The following ARHGAP21 variants were observed in gnomAD, a reference collection of about 807,000 sequenced individuals.
ARHGAP21 encodes the protein Rho GTPase activating protein 21, also known as rho GTPase-activating protein 21.
A neutral mutation model predicts 164.6 loss-of-function variants in ARHGAP21; 38 were observed. The observed-to-expected ratio is 0.23, with a 90% CI of 0.18 to 0.30. ARHGAP21 has a LOEUF of 0.30. Among genes scored for constraint, ARHGAP21 ranks in the 10% least tolerant of loss-of-function variants. The probability of loss-of-function intolerance (pLI) is 1.00; values close to 1 mark genes in which losing one functional copy is unlikely to be tolerated. For synonymous variants in ARHGAP21, 766 were observed against 857.9 expected, an observed-to-expected ratio of 0.89 and a Z score of 1.87; for missense variants, 1,822 against 2,370.7, an observed-to-expected ratio of 0.77 and a Z score of 4.81.
intron 4 of ARHGAP21, among the ~76,000 whole-genome samples, chr10:24,655,746 C>T (rs992716637): frequency 4.5e-5 from 6 of 134,720 alleles, no homozygotes; most frequent in East Asian, 2.2e-4. Flanking sequence ...TCCGCCCGGC[C>T]GCCATCCCAT....
In ARHGAP21 at chr10:24,597,969, A is replaced by G. The variant is rs1219589813; in HGVS notation, c.3173T>C (p.Ile1058Thr). 3 of 1,613,458 alleles carry G rather than the reference A, an allele frequency of 1.9e-6. No individual in the cohort carries two copies. The highest frequency in any genetic ancestry group is 1.7e-6 in the Non-Finnish European group (2 of 1,179,662). ...VTNRDLISRR[I>T]KEYNNLMSKA... is the part of the protein sequence containing the mutation. ...CCTCATCAGATTGTTGTATTCTTTT[A>G]TTCTTCGACTAATTAGATCCCTGTT... The change falls in exon 15 of 26, where the codon ATA becomes ACA. Residue 1058 changes from isoleucine (I) to threonine (T), a missense_variant. Physicochemically the swap from Ile to Thr is moderately conservative, Grantham distance 89. This residue lies in a region of ARHGAP21 where 1,090 missense variants were observed against 1,378.9 expected (regional missense o/e 0.79). Coordinates refer to ENST00000396432, the MANE Select transcript of ARHGAP21 (RefSeq NM_020824.4).
intron 9 of ARHGAP21, among the ~76,000 whole-genome samples, chr10:24,614,290 A>G (rs1030653225): frequency 6.6e-6 from 1 of 152,188 alleles, no homozygotes; most frequent in African/African-American, 2.4e-5. Context: ...AGAAGGGCCA[A>G]TTCTAGTTCA....
rs2076038967 is a variant in ARHGAP21 at position 24,584,913 on chromosome 10, A to G, written c.5376T>C (p.Thr1792=). ...GVGNHKVNAE[T]AKRKSIRRRH... is the part of the protein sequence containing the mutation. Reference sequence around the variant, plus strand: ...TGCGCCGGATGCTTTTCCTTTTAGCAGTCTCGGCATTCACTTTGTGATTCC... The same window carrying G: ...TGCGCCGGATGCTTTTCCTTTTAGCGGTCTCGGCATTCACTTTGTGATTCC... Residue 1792 remains threonine (T), a synonymous_variant, in exon 26 of 26, where the codon ACT becomes ACC. Coordinates refer to ENST00000396432, the MANE Select transcript of ARHGAP21 (RefSeq NM_020824.4). The G allele has an allele frequency of 1.2e-6, 2 of 1,613,882 alleles. No individual in the cohort carries two copies. Among genetic ancestry groups the G allele is most frequent in the Non-Finnish European group, 1.7e-6 (2 of 1,179,868 alleles).
chr10:24,710,143 T>C (rs1267011254), intron 2 of ARHGAP21, among the ~76,000 whole-genome samples: 1 of 152,184 alleles, frequency 6.6e-6, no homozygotes, highest in Non-Finnish European at 1.5e-5. Context: ...TTTCCCTTCC[T>C]GGTCTTGTAG....
rs192343034 is a variant in ARHGAP21, at chr10:24,681,388, T to G, written c.64-10991A>C. Among the ~76,000 whole-genome samples the G allele has an allele frequency of 2.0e-5, 3 of 152,174 alleles. No homozygotes were observed. The South Asian group carries it at 6.2e-4, about 32-fold the overall frequency. On this transcript the variant is annotated intron_variant, in intron 2 of 25. Transcript: ENST00000396432. ...ACATGTTCAACAGAGATGAAAGAGA[T>G]AGGGCTGTCACAAAAGTAAATGCAA...
chr10:24,704,965 C>T (rs1844090374), intron 2 of ARHGAP21, among the ~76,000 whole-genome samples: 1 of 152,092 alleles, frequency 6.6e-6, no homozygotes, highest in Admixed American at 6.5e-5. Flanking sequence ...AGGATGGTAG[C>T]AACAACAATC....
intron 14 of ARHGAP21, among the ~76,000 whole-genome samples, chr10:24,599,924 G>GAGAT (rs552783343): frequency 6.6e-6 from 1 of 152,206 alleles, no homozygotes; most frequent in African/African-American, 2.4e-5. Context: ...ACAAGGTCAG[G>GAGAT]AGATAGAGAC....
intron 14 of ARHGAP21, among the ~76,000 whole-genome samples, chr10:24,600,300 T>C (rs2076762196): frequency 6.6e-6 from 1 of 152,154 alleles, no homozygotes; most frequent in Non-Finnish European, 1.5e-5. Context: ...CTGGTAAGTA[T>C]TTTTACTGTA....
rs184877560 is a variant in ARHGAP21, at chr10:24,603,603, G to C, written c.2721+709C>G. Among the ~76,000 whole-genome samples the C allele has an allele frequency of 2.4e-4, 36 of 152,294 alleles. No homozygotes were observed. The East Asian group carries it at 5.4e-3, about 23-fold the overall frequency. On this transcript the variant is annotated intron_variant, in intron 12 of 25. Transcript: ENST00000396432. ...AGGGCACCGAGGAAGTGAGAGGCAA[G>C]AGAATCCGAAGAAGTGTGGGGGTTG...
intron 2 of ARHGAP21, among the ~76,000 whole-genome samples, chr10:24,697,378 A>C (rs941428920): frequency 6.6e-6 from 1 of 152,140 alleles, no homozygotes; most frequent in African/African-American, 2.4e-5. Context: ...GAAAGAAAAG[A>C]AAGAGACACC....
At chr10:24,704,352 C>A (rs376571763) in intron 2 of ARHGAP21, among the ~76,000 whole-genome samples, 84 of 150,014 alleles carry the variant, frequency 5.6e-4, no homozygotes, top group African/African-American at 2.0e-3. Context: ...GTGCAGTGGC[C>A]CATTCTCAGC....
intron 4 of ARHGAP21, among the ~76,000 whole-genome samples, chr10:24,655,295 C>T (rs1838696087): frequency 6.6e-6 from 1 of 152,160 alleles, no homozygotes. Context: ...TAAAGAGCTT[C>T]TGCACATCAA....
At chr10:24,611,026 T>C (rs1322703144) in intron 9 of ARHGAP21, among the ~76,000 whole-genome samples, 1 of 152,260 alleles carries the variant, frequency 6.6e-6, no homozygotes, top group Non-Finnish European at 1.5e-5. Flanking sequence ...CTTTAAGATG[T>C]TCTCATCCTA....
At position 24,584,206 on chromosome 10, in the gene ARHGAP21, T is replaced by A. The variant is rs2076003661; in HGVS notation, c.*206A>T. The A allele has an allele frequency of 4.4e-6, 1 of 227,002 alleles. No individual in the cohort carries two copies. The highest frequency in any genetic ancestry group is 7.0e-6 in the Non-Finnish European group (1 of 142,360). 14.1% of individuals were successfully genotyped at this position (227,002 alleles called of 1,614,324 possible). On this transcript the variant is annotated 3_prime_UTR_variant, in exon 26 of 26. Transcript: ENST00000396432. ...TACCTTGCTCATTTGTATACAACTA[T>A]CCGATATATTTTTAAATATATATAT...
At chr10:24,591,485 G>A (rs928867184) in intron 23 of ARHGAP21, 155 bp from the exon 24 acceptor site, 9 of 1,125,722 alleles carry the variant, frequency 8.0e-6, no homozygotes, top group Middle Eastern at 2.0e-4. Flanking sequence ...AATAAGCACC[G>A]TACTTGTATA....
chr10:24,668,157 G>A (rs990433359), intron 3 of ARHGAP21, among the ~76,000 whole-genome samples: 2 of 152,180 alleles, frequency 1.3e-5, no homozygotes, highest in Non-Finnish European at 2.9e-5. Flanking sequence ...TCTAACAGGA[G>A]GCAGAAATGG....
At position 24,595,198 on chromosome 10, in the gene ARHGAP21, CAAG is replaced by C. The variant is rs1456474522; in HGVS notation, c.3713-11_3713-9del. The C allele has an allele frequency of 2.5e-6, 4 of 1,605,160 alleles. No homozygotes were observed. Among genetic ancestry groups the C allele is most frequent in the Non-Finnish European group, 1.7e-6 (2 of 1,175,972 alleles). The stretch of plus-strand genomic sequence containing the variant: ...TAAAATCAGCATATTTATCTGACGA[CAAG>C]AACAATAAAACAAATTTATCTTAAA... On this transcript the variant is annotated splice_polypyrimidine_tract_variant and intron_variant, in intron 19 of 25. Transcript: ENST00000396432.
At chr10:24,621,830 A>AATCT (rs1834573151) in intron 8 of ARHGAP21, among the ~76,000 whole-genome samples, 1 of 152,012 alleles carries the variant, frequency 6.6e-6, no homozygotes, top group South Asian at 2.1e-4. Flanking sequence ...AATTAAGTCT[A>AATCT]ATTTATTTGA....
intron 9 of ARHGAP21, among the ~76,000 whole-genome samples, chr10:24,611,005 A>G (rs2077233439): frequency 6.6e-6 from 1 of 152,242 alleles, no homozygotes; most frequent in African/African-American, 2.4e-5. Flanking sequence ...ATAAACTGAC[A>G]AGTATTTTCA....
Sources: allele counts gnomAD v4.1 joint callset (sites outside exome capture counted in the v4.1 genomes callset), GRCh38; gene constraint gnomAD v4.1.1; regional missense constraint gnomAD v4.1.1; transcripts MANE v1.5; gene names NCBI Gene and HGNC (gene_info 2026-07-23, HGNC 2026-07-21).